PLEKHM3: variants seen among roughly 807,000 people sequenced by gnomAD.
PLEKHM3 encodes pleckstrin homology domain containing M3, also known as pleckstrin homology domain-containing family M member 3.
Under a neutral mutation model 81.8 loss-of-function variants are expected in PLEKHM3, and 45 were observed. The ratio of observed to expected loss-of-function variants is 0.55; its 90% CI spans 0.43 to 0.71. The LOEUF (loss-of-function observed/expected upper bound fraction) is 0.71, where lower values mean the gene tolerates loss of function less well. PLEKHM3 is among the 30% of genes least tolerant of loss of function. The probability of loss-of-function intolerance (pLI) is 0.00; values close to 1 mark genes in which losing one functional copy is unlikely to be tolerated. For missense variants in PLEKHM3, 788 were observed against 924.3 expected, an observed-to-expected ratio of 0.85 and a Z score of 1.91; for synonymous variants, 352 against 356.4, an observed-to-expected ratio of 0.99 and a Z score of 0.14.
chr2:208,005,037 C>T (rs2167673), intron 1 of PLEKHM3, among the ~76,000 whole-genome samples: 90,065 of 151,594 alleles, frequency 0.59, 29,614 homozygotes, highest in Non-Finnish European at 0.73. Flanking sequence ...TGTTGCCAGG[C>T]TGGTCTTGAA....
rs560891902 is a variant in PLEKHM3, at chr2:208,010,887, T to C, written c.-318-8930A>G. 5.3e-5 allele frequency among the ~76,000 whole-genome samples: 8 copies of C among 152,260 alleles called. No homozygotes were observed. In the East Asian group the frequency reaches 1.5e-3, roughly 29 times the overall value. On this transcript the variant is annotated intron_variant, in intron 1 of 7. Coordinates refer to ENST00000427836, the MANE Select transcript of PLEKHM3 (RefSeq NM_001080475.3). ...GAGTTAATCTCAGGAAAAAATCACT[T>C]GGTTTTTACAGAAAATAATCATTTT...
intron 5 of PLEKHM3, among the ~76,000 whole-genome samples, chr2:207,917,262 G>A (rs1179975942): frequency 1.3e-5 from 2 of 152,178 alleles, no homozygotes; most frequent in Non-Finnish European, 2.9e-5. Context: ...AACTGGAAAA[G>A]TAGCCACAAA....
At chr2:207,880,560 G>C (rs1416987021) in intron 6 of PLEKHM3, among the ~76,000 whole-genome samples, 1 of 149,858 alleles carries the variant, frequency 6.7e-6, no homozygotes, top group African/African-American at 2.4e-5. Flanking sequence ...TCAGGAGATC[G>C]AGACCATCTT....
intron 4 of PLEKHM3, among the ~76,000 whole-genome samples, chr2:207,934,415 C>G (rs867049168): frequency 1.8e-4 from 27 of 152,228 alleles, no homozygotes; most frequent in African/African-American, 6.0e-4. Flanking sequence ...TAGTATTGAC[C>G]TATTAGTATT....
At chr2:207,859,136 CT>C (rs371493664) in intron 7 of PLEKHM3, among the ~76,000 whole-genome samples, 4,787 of 118,278 alleles carry the variant, frequency 0.04, 57 homozygotes, top group South Asian at 0.068. Context: ...TTTTCTTTTT[CT>C]TTTTTTTTTT....
intron 4 of PLEKHM3, among the ~76,000 whole-genome samples, chr2:207,931,613 A>C (rs1471620035): frequency 6.6e-6 from 1 of 152,256 alleles, no homozygotes; most frequent in Non-Finnish European, 1.5e-5. Context: ...AAACGTCATA[A>C]ATTTATATGT....
At chr2:207,987,859 T>C (rs1309644707) in intron 2 of PLEKHM3, among the ~76,000 whole-genome samples, 1 of 152,174 alleles carries the variant, frequency 6.6e-6, no homozygotes, top group Non-Finnish European at 1.5e-5. Context: ...CTTCCCTGTT[T>C]CACTGGACTC....
At chr2:207,883,384 C>A (rs1687767685) in intron 6 of PLEKHM3, among the ~76,000 whole-genome samples, 1 of 152,176 alleles carries the variant, frequency 6.6e-6, no homozygotes, top group African/African-American at 2.4e-5. Context: ...ATAGCTCAGG[C>A]AGCCCCAGCA....
At chr2:207,916,410 C>T (rs899238229) in intron 5 of PLEKHM3, among the ~76,000 whole-genome samples, 1 of 152,080 alleles carries the variant, frequency 6.6e-6, no homozygotes, top group African/African-American at 2.4e-5. Flanking sequence ...ATAACACTTC[C>T]CCCGCAATGA....
chr2:208,005,721 C>A (rs1328799723), intron 1 of PLEKHM3, among the ~76,000 whole-genome samples: 1 of 152,108 alleles, frequency 6.6e-6, no homozygotes, highest in African/African-American at 2.4e-5. Context: ...TTCTCTCTCT[C>A]CACTAAAATA....
At chr2:207,896,401 G>C (rs554449406) in intron 6 of PLEKHM3, among the ~76,000 whole-genome samples, 165 of 152,194 alleles carry the variant, frequency 1.1e-3, no homozygotes, top group African/African-American at 3.7e-3. Context: ...AGGTTAACAG[G>C]ATGGAAAATA....
chr2:207,859,872 C>T (rs1265970220), intron 7 of PLEKHM3, among the ~76,000 whole-genome samples: 1 of 152,194 alleles, frequency 6.6e-6, no homozygotes, highest in Non-Finnish European at 1.5e-5. Flanking sequence ...GCTGGGATTA[C>T]AGGCGTGAGC....
At chr2:207,934,098 TAAAA>T (rs907068997) in intron 4 of PLEKHM3, among the ~76,000 whole-genome samples, 1 of 151,648 alleles carries the variant, frequency 6.6e-6, no homozygotes, top group Non-Finnish European at 1.5e-5. Flanking sequence ...TTAAAAATGT[TAAAA>T]AAAAAGTTAC....
intron 6 of PLEKHM3, among the ~76,000 whole-genome samples, chr2:207,872,594 T>C (rs1013320531): frequency 6.6e-6 from 1 of 152,116 alleles, no homozygotes; most frequent in African/African-American, 2.4e-5. Flanking sequence ...TCCCAGCACT[T>C]TGGGAGGCTG....
chr2:207,902,819 CCCACCCACCCAT>C, intron 6 of PLEKHM3, among the ~76,000 whole-genome samples: 1 of 87,572 alleles, frequency 1.1e-5, no homozygotes, highest in East Asian at 3.0e-4. Flanking sequence ...CACCCATCCA[CCCACCCACCCAT>C]CCACCCACCC....
At chr2:207,947,166 TA>T (rs1241184685) in intron 3 of PLEKHM3, among the ~76,000 whole-genome samples, 1 of 152,138 alleles carries the variant, frequency 6.6e-6, no homozygotes, top group African/African-American at 2.4e-5. Context: ...AATGGGAACG[TA>T]ATCACTTTAT....
chr2:208,005,600 A>G (rs942740148), intron 1 of PLEKHM3, among the ~76,000 whole-genome samples: 6 of 152,180 alleles, frequency 3.9e-5, no homozygotes, highest in African/African-American at 1.4e-4. Flanking sequence ...TATGAACATG[A>G]CTTACTACTG....
chr2:207,926,634 AG>A (rs1689402674), intron 5 of PLEKHM3, among the ~76,000 whole-genome samples: 1 of 152,242 alleles, frequency 6.6e-6, no homozygotes, highest in African/African-American at 2.4e-5. Flanking sequence ...CTAATTCAGC[AG>A]GACCGCCATC....
intron 4 of PLEKHM3, among the ~76,000 whole-genome samples, chr2:207,936,878 T>C (rs1689774277): frequency 6.6e-6 from 1 of 151,608 alleles, no homozygotes; most frequent in Admixed American, 6.6e-5. Flanking sequence ...TGTGTGTGTG[T>C]GTGTAAATAT....
Sources: allele counts gnomAD v4.1 joint callset (sites outside exome capture counted in the v4.1 genomes callset), GRCh38; gene constraint gnomAD v4.1.1; transcripts MANE v1.5; gene names NCBI Gene and HGNC (gene_info 2026-07-23, HGNC 2026-07-21).